Variants in PRKN observed in about 807,000 individuals in gnomAD.
PRKN encodes E3 ubiquitin-protein ligase parkin.
Under a neutral mutation model 59.5 loss-of-function variants are expected in PRKN, and 56 were observed. That is an observed-to-expected ratio of 0.94 (90% confidence interval 0.76 to 1.18). The LOEUF (loss-of-function observed/expected upper bound fraction) is 1.18, where lower values mean the gene tolerates loss of function less well. PRKN is among the 50% of genes most tolerant of loss of function. The pLI, the probability that PRKN is intolerant of heterozygous loss-of-function variation, is 0.00. For synonymous variants in PRKN, 250 were observed against 222.1 expected, an observed-to-expected ratio of 1.13 and a Z score of -1.12; for missense variants, 657 against 596.4, an observed-to-expected ratio of 1.10 and a Z score of -1.06.
At chr6:162,100,778 T>C (rs1779935919) in intron 4 of PRKN, among the ~76,000 whole-genome samples, 1 of 151,776 alleles carries the variant, frequency 6.6e-6, no homozygotes, top group Non-Finnish European at 1.5e-5. Flanking sequence ...TCCTAACAGG[T>C]ATGAGGTAAT....
intron 7 of PRKN, among the ~76,000 whole-genome samples, chr6:161,715,644 G>A (rs1786942172): frequency 6.6e-6 from 1 of 152,110 alleles, no homozygotes; most frequent in African/African-American, 2.4e-5. Context: ...AAAACTAGAG[G>A]TTCACCACTG....
chr6:162,188,055 A>G (rs1245955823), intron 4 of PRKN, among the ~76,000 whole-genome samples: 1 of 152,110 alleles, frequency 6.6e-6, no homozygotes, highest in African/African-American at 2.4e-5. Context: ...TGATCATTTT[A>G]AAAAGAGGAG....
chr6:162,081,100 C>T (rs1779037293), intron 4 of PRKN, among the ~76,000 whole-genome samples: 1 of 152,136 alleles, frequency 6.6e-6, no homozygotes, highest in African/African-American at 2.4e-5. Context: ...ACCTCATCTT[C>T]AGTTACCTGC....
At chr6:162,216,989 A>T (rs1053314331) in intron 3 of PRKN, among the ~76,000 whole-genome samples, 2 of 152,180 alleles carry the variant, frequency 1.3e-5, no homozygotes, top group African/African-American at 4.8e-5. Flanking sequence ...CAATAGACTT[A>T]GTTCTACTTT....
rs1213127738 is a variant in PRKN, at chr6:162,215,976, G to A, written c.413-14724C>T. 2.0e-5 allele frequency among the ~76,000 whole-genome samples: 3 copies of A among 152,166 alleles called. No homozygotes were observed. The East Asian group carries it at 5.9e-4, about 30-fold the overall frequency. On this transcript the variant is annotated intron_variant, in intron 3 of 11. Transcript: ENST00000366898. ...GAGAATTGCTTGAACCGGGACCCGG[G>A]AGGCAGAGGTAGCAGTGAGCAAGAT...
chr6:162,443,375 C>G lies in PRKN; in HGVS notation c.106G>C (p.Val36Leu). 1 of 1,613,786 alleles carries G rather than the reference C, an allele frequency of 6.2e-7. No individual in the cohort carries two copies. The highest frequency in any genetic ancestry group is 8.5e-7 in the Non-Finnish European group (1 of 1,180,024). Residue 36 changes from valine (V) to leucine (L), a missense_variant, in exon 2 of 12, where the codon GTT becomes CTT. Coordinates refer to ENST00000366898, the MANE Select transcript of PRKN (RefSeq NM_004562.3). ...LKEVVAKRQG[V>L]PADQLRVIFA... ...ATCACACGCAACTGGTCAGCCGGAA[C>G]CCCCTGTCGCTTAGCAACCACCTCC...
rs373881906 is a variant in PRKN, at chr6:161,861,113, A to G, written c.735-75205T>C. ...CCAAAGGATTATAAATCATTCTACT[A>G]TAAAGACACATGCACACGTACGTTT... On this transcript the variant is annotated intron_variant, in intron 6 of 11. Coordinates refer to ENST00000366898, the MANE Select transcript of PRKN (RefSeq NM_004562.3). Among the ~76,000 whole-genome samples, 66 of 152,330 alleles carry G rather than the reference A, an allele frequency of 4.3e-4. 2 individuals are homozygous for G. The South Asian group carries it at 0.013, about 30-fold the overall frequency.
chr6:161,490,346 T>C (rs1162018356), intron 9 of PRKN, among the ~76,000 whole-genome samples: 1 of 150,690 alleles, frequency 6.6e-6, no homozygotes, highest in Admixed American at 6.6e-5. Flanking sequence ...GCTTTCTCTC[T>C]CTCTCTCTCT....
At chr6:162,598,853 CAA>C (rs35219327) in intron 1 of PRKN, among the ~76,000 whole-genome samples, 34 of 106,844 alleles carry the variant, frequency 3.2e-4, no homozygotes, top group South Asian at 1.7e-3. Flanking sequence ...ATTCTGTCAC[CAA>C]AAAAAAAAAA....
intron 6 of PRKN, among the ~76,000 whole-genome samples, chr6:161,867,032 G>C (rs529387115): frequency 6.6e-6 from 1 of 152,286 alleles, no homozygotes; most frequent in Non-Finnish European, 1.5e-5. Flanking sequence ...GGGCCCACAT[G>C]ATGAGCCTCG....
intron 6 of PRKN, among the ~76,000 whole-genome samples, chr6:161,840,125 C>G (rs1792923644): frequency 6.6e-6 from 1 of 152,222 alleles, no homozygotes; most frequent in Non-Finnish European, 1.5e-5. Context: ...CAAAGACCAC[C>G]AGCACTGCTT....
chr6:162,457,446 CTACT>C (rs1790934558), intron 1 of PRKN, among the ~76,000 whole-genome samples: 1 of 152,078 alleles, frequency 6.6e-6, no homozygotes, highest in South Asian at 2.1e-4. Context: ...CATACTGCAA[CTACT>C]TAAACCTATA....
chr6:162,066,637 C>A (rs921763711), intron 4 of PRKN, among the ~76,000 whole-genome samples: 4 of 152,156 alleles, frequency 2.6e-5, no homozygotes, highest in African/African-American at 9.7e-5. Context: ...CCTACTGGAG[C>A]ACATAGAATT....
chr6:161,919,581 G>C (rs1423531844), intron 6 of PRKN, among the ~76,000 whole-genome samples: 4 of 152,224 alleles, frequency 2.6e-5, no homozygotes, highest in African/African-American at 9.6e-5. Context: ...AGTTGTTCCT[G>C]TTATAGGATC....
chr6:162,431,835 G>C (rs560098140), intron 2 of PRKN, among the ~76,000 whole-genome samples: 1 of 152,090 alleles, frequency 6.6e-6, no homozygotes, highest in Non-Finnish European at 1.5e-5. Context: ...TTTCAAATTC[G>C]TAATGCAAAA....
intron 3 of PRKN, among the ~76,000 whole-genome samples, chr6:162,235,142 T>A (rs1778595474): frequency 1.3e-5 from 2 of 152,064 alleles, no homozygotes. Flanking sequence ...TTATGTGAGG[T>A]TTTTTTGAAA....
At chr6:162,427,748 C>T (rs896101920) in intron 2 of PRKN, among the ~76,000 whole-genome samples, 1 of 151,844 alleles carries the variant, frequency 6.6e-6, no homozygotes, top group African/African-American at 2.4e-5. Context: ...CGGGTTCACA[C>T]CATTCTCCTG....
intron 7 of PRKN, among the ~76,000 whole-genome samples, chr6:161,698,893 A>T (rs1224237613): frequency 6.6e-6 from 1 of 152,156 alleles, no homozygotes; most frequent in Non-Finnish European, 1.5e-5. Context: ...AAACTGACAA[A>T]CTGGACTTCA....
chr6:162,706,132 TA>T (rs766578797), intron 1 of PRKN, among the ~76,000 whole-genome samples: 2,163 of 106,504 alleles, frequency 0.02, 16 homozygotes, highest in Non-Finnish European at 0.027. Context: ...ACCTGAAGGT[TA>T]AAAAAAAAAA....
Sources: gnomAD v4.1 joint callset for allele counts (sites outside exome capture counted in the v4.1 genomes callset) on GRCh38, gnomAD v4.1.1 for gene constraint, MANE v1.5 for transcripts, NCBI Gene and HGNC (gene_info 2026-07-23, HGNC 2026-07-21) for gene names.